Variants in PEBP4 observed in about 807,000 individuals in gnomAD.
PEBP4 encodes phosphatidylethanolamine binding protein 4, also known as phosphatidylethanolamine-binding protein 4.
Under a neutral mutation model 23.9 loss-of-function variants are expected in PEBP4, and 22 were observed. The ratio of observed to expected loss-of-function variants is 0.92; its 90% confidence interval spans 0.66 to 1.31. The LOEUF (loss-of-function observed/expected upper bound fraction) is 1.31. Ranked by LOEUF, PEBP4 falls within the 40% of genes most tolerant of loss-of-function variation. The pLI is 0.00. For synonymous variants in PEBP4, 112 were observed against 99.3 expected (o/e 1.13, Z -0.76); for missense variants, 324 against 281.7 (o/e 1.15, Z -1.07).
chr8:22,880,309 GC>G (rs1585321044), intron 3 of PEBP4, among the ~76,000 whole-genome samples: 1 of 152,310 alleles, frequency 6.6e-6, no homozygotes, highest in East Asian at 1.9e-4. Flanking sequence ...ACTTCACAGG[GC>G]TTTTGTGAGG....
At chr8:22,769,319 C>T (rs865797016) in intron 4 of PEBP4, among the ~76,000 whole-genome samples, 2 of 152,196 alleles carry the variant, frequency 1.3e-5, no homozygotes, top group Admixed American at 6.5e-5. Flanking sequence ...GACTCCAGCC[C>T]TCTGGGGCTT....
At chr8:22,860,048 C>G (rs1454413324) in intron 3 of PEBP4, among the ~76,000 whole-genome samples, 2 of 144,786 alleles carry the variant, frequency 1.4e-5, no homozygotes, top group Admixed American at 1.4e-4. Flanking sequence ...GCCCAGCAGT[C>G]AAGGCTGCAA....
intron 2 of PEBP4, 137 bp from the exon 3 acceptor site, chr8:22,920,447 G>C: frequency 9.6e-7 from 1 of 1,044,074 alleles, no homozygotes; most frequent in Non-Finnish European, 1.3e-6. Context: ...CTAGTTGTGT[G>C]ACCGAAGAGT....
intron 6 of PEBP4, among the ~76,000 whole-genome samples, chr8:22,717,213 T>A (rs532331243): frequency 6.6e-6 from 1 of 152,186 alleles, no homozygotes; most frequent in African/African-American, 2.4e-5. Flanking sequence ...TAAAAAAAAA[T>A]TATCTGTAGA....
intron 4 of PEBP4, among the ~76,000 whole-genome samples, chr8:22,814,864 A>C (rs973585305): frequency 1.3e-5 from 2 of 152,156 alleles, no homozygotes; most frequent in African/African-American, 4.8e-5. Context: ...GGATAGTTAG[A>C]AAAAGAACTC....
chr8:22,826,338 G>C (rs1037614966), intron 3 of PEBP4, among the ~76,000 whole-genome samples: 3 of 152,230 alleles, frequency 2.0e-5, no homozygotes, highest in Admixed American at 2.0e-4. Flanking sequence ...TGCATGCATT[G>C]TTGTAGGAAT....
intron 4 of PEBP4, among the ~76,000 whole-genome samples, chr8:22,731,822 C>T (rs1420217944): frequency 7.1e-6 from 1 of 141,400 alleles, no homozygotes; most frequent in African/African-American, 2.6e-5. Context: ...TGGCGCCCGG[C>T]TAATTTTTTT....
chr8:22,824,345 T>G (rs1806923442), intron 3 of PEBP4, among the ~76,000 whole-genome samples: 1 of 152,144 alleles, frequency 6.6e-6, no homozygotes, highest in Non-Finnish European at 1.5e-5. Flanking sequence ...GGAAGTCTTC[T>G]CAGTGGCAGA....
chr8:22,912,161 C>G (rs7012247), intron 3 of PEBP4, among the ~76,000 whole-genome samples: 68,425 of 152,036 alleles, frequency 0.45, 15,463 homozygotes, highest in Middle Eastern at 0.49. Context: ...TGGGAATCCT[C>G]CTAATGGAGC....
intron 3 of PEBP4, among the ~76,000 whole-genome samples, chr8:22,893,659 A>G (rs1808538622): frequency 2.0e-5 from 3 of 152,222 alleles, no homozygotes. Context: ...TGTGATGAAG[A>G]GTACACTGGA....
intron 4 of PEBP4, among the ~76,000 whole-genome samples, chr8:22,794,031 G>A (rs963165709): frequency 1.3e-5 from 2 of 152,176 alleles, no homozygotes; most frequent in South Asian, 2.1e-4. Flanking sequence ...GGTAGGGAGA[G>A]GTGGTGATGG....
At chr8:22,745,759 A>G (rs909096531) in intron 4 of PEBP4, 9 of 152,296 alleles carry the variant, frequency 5.9e-5, no homozygotes, top group African/African-American at 2.2e-4. Flanking sequence ...AGGAAGACAC[A>G]CAGGATGTAT....
rs184391126 is a variant in PEBP4, at chr8:22,820,595, T to C, written c.259-2860A>G. Among the ~76,000 whole-genome samples the C allele has an allele frequency of 8.1e-4, 123 of 152,330 alleles. 1 individual carries two copies. Among genetic ancestry groups the C allele is most frequent in the African/African-American group, 2.9e-3 (119 of 41,560 alleles). On this transcript the variant is annotated intron_variant, in intron 3 of 6. Transcript: ENST00000256404. ...AGGGAAAAGAGAGATTAAATCTCTC[T>C]ACCCCAGGAGTCCAGGAAGGCTGCA...
chr8:22,924,578 A>T, intron 2 of PEBP4: 1 of 848,954 alleles, frequency 1.2e-6, no homozygotes, highest in African/African-American at 1.8e-5. Context: ...TTGGTGTTCA[A>T]GAAGAGCAGC....
At chr8:22,884,896 C>T (rs1235621380) in intron 3 of PEBP4, 1 of 152,226 alleles carries the variant, frequency 6.6e-6, no homozygotes, top group African/African-American at 2.4e-5. Flanking sequence ...AAGTCCTGCC[C>T]ATCCTTCAAA....
At chr8:22,871,535 T>C (rs550831546) in intron 3 of PEBP4, among the ~76,000 whole-genome samples, 2 of 150,538 alleles carry the variant, frequency 1.3e-5, no homozygotes, top group East Asian at 2.0e-4. Flanking sequence ...TTAAGTTCTT[T>C]AGCAGTGATT....
intron 3 of PEBP4, among the ~76,000 whole-genome samples, chr8:22,888,230 T>C (rs1213374350): frequency 2.0e-5 from 3 of 150,294 alleles, no homozygotes; most frequent in African/African-American, 7.4e-5. Context: ...CGCAGCTCAC[T>C]GCAACCTCCA....
intron 3 of PEBP4, among the ~76,000 whole-genome samples, chr8:22,901,499 G>GC (rs1808709058): frequency 2.0e-5 from 3 of 152,100 alleles, no homozygotes; most frequent in Admixed American, 2.0e-4. Context: ...GAGGGACGCA[G>GC]CCCCTCCTGG....
chr8:22,880,984 T>G (rs1257020908), intron 3 of PEBP4, among the ~76,000 whole-genome samples: 9 of 152,152 alleles, frequency 5.9e-5, no homozygotes, highest in Non-Finnish European at 1.5e-5. Flanking sequence ...GGGGAAGAGG[T>G]GGGGACTGAC....
Sources: gnomAD v4.1 joint callset for allele counts (sites outside exome capture counted in the v4.1 genomes callset) on GRCh38, gnomAD v4.1.1 for gene constraint, MANE v1.5 for transcripts, NCBI Gene and HGNC (gene_info 2026-07-23, HGNC 2026-07-21) for gene names.